The following APBB2 variants were observed in gnomAD, a reference collection of about 807,000 sequenced individuals.
APBB2 encodes amyloid beta precursor protein binding family B member 2.
APBB2 carries 38 observed loss-of-function variants against 82.5 expected under a neutral mutation model. The ratio of observed to expected loss-of-function variants is 0.46; its 90% CI spans 0.36 to 0.60. The LOEUF is 0.60. APBB2 is among the 20% of genes least tolerant of loss of function. APBB2 has a pLI of 0.00. For missense variants in APBB2, 772 were observed against 972.3 expected (o/e 0.79, Z 2.74); for synonymous variants, 341 against 368.2 (o/e 0.93, Z 0.85).
rs150527764 is a variant in APBB2, at chr4:41,101,470, C to CAAAAAAAAA, written c.-260-729_-260-721dup. 4.0e-3 allele frequency among the ~76,000 whole-genome samples: 292 copies of CAAAAAAAAA among 72,504 alleles called. 3 individuals carry two copies. Among genetic ancestry groups the CAAAAAAAAA allele is most frequent in the Non-Finnish European group, 4.8e-3 (202 of 42,056 alleles). The allele number at this position is 72,504 out of a possible 152,430, so 47.6% of individuals were successfully genotyped here. ...TGGGCGACAGAGCGAGACTCCGTCTCAAAAAAAAAAAAAAAAAAAAAAAAA... is the reference window on the plus strand; with the variant it reads ...TGGGCGACAGAGCGAGACTCCGTCTCAAAAAAAAAAAAAAAAAAAAAAAAAAAAAAAAAA... On this transcript the variant is annotated intron_variant, in intron 2 of 17. Transcript: ENST00000508593.
chr4:41,068,813 T>C (rs1032310298), intron 3 of APBB2, among the ~76,000 whole-genome samples: 2 of 58,290 alleles, frequency 3.4e-5, no homozygotes, highest in African/African-American at 1.3e-4. Flanking sequence ...TTTTTTTTTT[T>C]TGAGATGGAG....
At chr4:41,108,887 C>T (rs1477368997) in intron 2 of APBB2, among the ~76,000 whole-genome samples, 1 of 152,348 alleles carries the variant, frequency 6.6e-6, no homozygotes, top group Non-Finnish European at 1.5e-5. Flanking sequence ...TCTCTTCCCA[C>T]TGGCCCATTC....
Position 41,025,944 on chromosome 4 carries a change from C to CAA in APBB2, c.19+7290_19+7291dup, listed in dbSNP as rs71198626. Among the ~76,000 whole-genome samples, 597 of 68,180 alleles carry CAA rather than the reference C, an allele frequency of 8.8e-3. 13 individuals are homozygous for CAA. Among genetic ancestry groups the CAA allele is most frequent in the East Asian group, 0.017 (41 of 2,344 alleles). The allele number at this position is 68,180 out of a possible 152,430, so 44.7% of individuals were successfully genotyped here. A position where few individuals can be genotyped will look rare whatever the true frequency, so the allele number is the denominator to read the frequency against. ...GCGAAAGAGTGAGACTCCATCTCCA[C>CAA]AAAAAAAAAAAAAAAAAAAGAAAAA... On this transcript the variant is annotated intron_variant, in intron 5 of 17. Transcript: ENST00000508593.
At chr4:41,090,043 C>T (rs1741158144) in intron 3 of APBB2, among the ~76,000 whole-genome samples, 1 of 152,070 alleles carries the variant, frequency 6.6e-6, no homozygotes, top group Admixed American at 6.5e-5. Flanking sequence ...AAAACCCAAA[C>T]ATAAATTATA....
intron 12 of APBB2, among the ~76,000 whole-genome samples, chr4:40,835,638 C>T (rs3849590): frequency 0.013 from 1,931 of 152,342 alleles, 20 homozygotes; most frequent in Middle Eastern, 0.054. Context: ...TCAGTTTGCA[C>T]AGTGCCTTGT....
chr4:41,013,557 T>C lies in APBB2; in HGVS notation c.835+26A>G, dbSNP rs764940145. 5.1e-6 allele frequency: 8 copies of C among 1,576,420 alleles called. No homozygotes were observed. In the Admixed American group the frequency reaches 7.4e-5, roughly 15 times the overall value. On this transcript the variant is annotated intron_variant, in intron 6 of 17. Coordinates refer to ENST00000508593, the MANE Select transcript of APBB2 (RefSeq NM_004307.2). ...AAGATAAAAAAAAAAAAGTGCCAGC[T>C]GAGGCTACGCCTTCCCCAGGGGTAC...
chr4:41,111,006 G>A (rs1408118094), intron 2 of APBB2, among the ~76,000 whole-genome samples: 1 of 152,198 alleles, frequency 6.6e-6, no homozygotes, highest in Non-Finnish European at 1.5e-5. Flanking sequence ...CATCCCATCT[G>A]GGGGTGATGG....
chr4:41,031,593 A>T (rs1339216569), intron 5 of APBB2, among the ~76,000 whole-genome samples: 1 of 152,258 alleles, frequency 6.6e-6, no homozygotes, highest in Non-Finnish European at 1.5e-5. Context: ...TGAAAACATC[A>T]GCATAACAAA....
At chr4:40,993,804 C>T (rs1299367184) in intron 6 of APBB2, among the ~76,000 whole-genome samples, 2 of 152,068 alleles carry the variant, frequency 1.3e-5, no homozygotes, top group South Asian at 2.1e-4. Context: ...AGATCAGTAT[C>T]CATTATAATA....
intron 12 of APBB2, among the ~76,000 whole-genome samples, chr4:40,886,083 T>C (rs138556098): frequency 9.8e-5 from 15 of 152,338 alleles, no homozygotes; most frequent in East Asian, 3.9e-4. Flanking sequence ...ATAGGGCTCA[T>C]TGGCGAAGTA....
intron 10 of APBB2, among the ~76,000 whole-genome samples, chr4:40,923,189 A>G (rs1781770742): frequency 6.8e-6 from 1 of 147,796 alleles, no homozygotes. Context: ...GTTAGCCAAG[A>G]TGGTCTCGAT....
At chr4:40,946,194 T>TG (rs1256145352) in intron 6 of APBB2, among the ~76,000 whole-genome samples, 1 of 136,938 alleles carries the variant, frequency 7.3e-6, no homozygotes. Flanking sequence ...ATCACACCGT[T>TG]GCGCTCCAGC....
intron 6 of APBB2, among the ~76,000 whole-genome samples, chr4:40,978,524 T>C (rs144295993): frequency 5.0e-4 from 76 of 152,318 alleles, no homozygotes; most frequent in Non-Finnish European, 8.7e-4. Flanking sequence ...ATCATATTTA[T>C]AATTAAATTA....
At chr4:41,196,598 GCTTT>G in intron 1 of APBB2, among the ~76,000 whole-genome samples, 11 of 113,388 alleles carry the variant, frequency 9.7e-5, no homozygotes, top group African/African-American at 3.9e-4. Flanking sequence ...AAAGCCCCCT[GCTTT>G]TTTTTTTTTT....
At chr4:41,076,656 T>C (rs1011023300) in intron 3 of APBB2, among the ~76,000 whole-genome samples, 2 of 152,150 alleles carry the variant, frequency 1.3e-5, no homozygotes, top group African/African-American at 4.8e-5. Flanking sequence ...AGGCCACCAA[T>C]TGACAAAGCC....
chr4:41,210,599 GAC>G (rs1263512931), intron 1 of APBB2, among the ~76,000 whole-genome samples: 2 of 152,186 alleles, frequency 1.3e-5, no homozygotes, highest in Non-Finnish European at 2.9e-5. Context: ...TTTATCTTCT[GAC>G]ATCTAATTTC....
At chr4:40,971,612 T>A (rs1382034786) in intron 6 of APBB2, among the ~76,000 whole-genome samples, 1 of 152,032 alleles carries the variant, frequency 6.6e-6, no homozygotes, top group Non-Finnish European at 1.5e-5. Flanking sequence ...ACGTTTTCCT[T>A]ATATGGTCAT....
At chr4:41,008,412 T>G (rs1477363735) in intron 6 of APBB2, among the ~76,000 whole-genome samples, 1 of 152,204 alleles carries the variant, frequency 6.6e-6, no homozygotes, top group African/African-American at 2.4e-5. Context: ...CACATAAAGT[T>G]CATTTTGGGA....
At chr4:40,981,919 C>T (rs28588309) in intron 6 of APBB2, among the ~76,000 whole-genome samples, 2,608 of 152,060 alleles carry the variant, frequency 0.017, 75 homozygotes, top group African/African-American at 0.058. Context: ...GGTGCAGTGG[C>T]TCCTGCCTGT....
Sources: gnomAD v4.1 joint callset for allele counts (sites outside exome capture counted in the v4.1 genomes callset) on GRCh38, gnomAD v4.1.1 for gene constraint, MANE v1.5 for transcripts, NCBI Gene and HGNC (gene_info 2026-07-23, HGNC 2026-07-21) for gene names.